The following KCNQ1 variants were observed in gnomAD, a reference collection of about 807,000 sequenced individuals.
KCNQ1 encodes potassium voltage-gated channel subfamily KQT member 1.
Under a neutral mutation model 72.4 loss-of-function variants are expected in KCNQ1, and 49 were observed. The ratio of observed to expected loss-of-function variants is 0.68; its 90% CI spans 0.54 to 0.86. The LOEUF (loss-of-function observed/expected upper bound fraction) is 0.86, where lower values mean the gene tolerates loss of function less well. Among genes scored for constraint, KCNQ1 ranks in the 40% least tolerant of loss-of-function variants. The probability of loss-of-function intolerance (pLI) is 0.00; values close to 1 mark genes in which losing one functional copy is unlikely to be tolerated. For synonymous variants in KCNQ1, 450 were observed against 412.6 expected (o/e 1.09, Z -1.10); for missense variants, 790 against 945.1 (o/e 0.84, Z 2.15).
chr11:2,529,307 C>T (rs541235598), intron 2 of KCNQ1, among the ~76,000 whole-genome samples: 22 of 152,274 alleles, frequency 1.4e-4, no homozygotes, highest in East Asian at 9.6e-4. Context: ...CTTTGTGCCT[C>T]GGCAGGGCTT....
chr11:2,653,302 C>G lies in KCNQ1; in HGVS notation c.1394-8659C>G, dbSNP rs1564846122. The G allele has an allele frequency of 2.5e-6, 1 of 398,702 alleles. No individual in the cohort carries two copies. Among genetic ancestry groups the G allele is most frequent in the East Asian group, 3.6e-5 (1 of 28,080 alleles). The allele number at this position is 398,702 out of a possible 1,614,324, so 24.7% of individuals were successfully genotyped here. On this transcript the variant is annotated intron_variant, in intron 10 of 15. Coordinates refer to ENST00000155840, the MANE Select transcript of KCNQ1 (RefSeq NM_000218.3). This position sits in a 1 kb window ranked among gnomAD's most constrained non-coding sequence, Gnocchi z 5.3. ...GTGGGGGCAGTGCAGACCAGTTTAG[C>G]TATTTTGTAACCTTGACTGCCCCCA... is the stretch of plus-strand genomic sequence containing the variant.
intron 10 of KCNQ1, chr11:2,640,824 C>T (rs1849564387): frequency 5.0e-6 from 2 of 398,856 alleles, no homozygotes; most frequent in South Asian, 1.3e-4. Context: ...CCTCTCTTCA[C>T]CCTCCAGACA....
At chr11:2,640,399 C>G (rs553497284) in intron 10 of KCNQ1, 4 of 398,664 alleles carry the variant, frequency 1.0e-5, no homozygotes, top group Admixed American at 8.8e-5. Flanking sequence ...CATTCTCCAT[C>G]CTTGACCCCT....
chr11:2,554,754 C>T (rs1274639993), intron 2 of KCNQ1, among the ~76,000 whole-genome samples: 5 of 152,256 alleles, frequency 3.3e-5, no homozygotes, highest in East Asian at 1.9e-4. Flanking sequence ...TTTTGACTCT[C>T]CCGTTTACTG....
chr11:2,619,332 A>G, intron 10 of KCNQ1: 1 of 398,520 alleles, frequency 2.5e-6, no homozygotes, highest in East Asian at 3.6e-5. Context: ...GGCATTCGTT[A>G]TATTGAGGAG....
rs1851013418 is a variant in KCNQ1 at position 2,711,853 on chromosome 11, C to A, written c.1514+49772C>A. On this transcript the variant is annotated intron_variant, in intron 11 of 15. Transcript: ENST00000155840. This position sits in a 1 kb window ranked among gnomAD's most constrained non-coding sequence, Gnocchi z 5.4. ...CTGGCACTGCTTCTGAGGAGGGTGC[C>A]TTTGAGGGGAGGCAGAGTTGGCTCA... Among the ~76,000 whole-genome samples, 1 of 152,088 alleles carries A rather than the reference C, an allele frequency of 6.6e-6. No homozygotes were observed. Among genetic ancestry groups the A allele is most frequent in the African/African-American group, 2.4e-5 (1 of 41,418 alleles).
intron 10 of KCNQ1, chr11:2,649,809 A>G: frequency 2.5e-6 from 1 of 398,250 alleles, no homozygotes; most frequent in Non-Finnish European, 4.4e-6. Context: ...GGGATTTGTG[A>G]GCTTCCTTTA....
At chr11:2,619,265 G>A (rs1379478914) in intron 10 of KCNQ1, 7 of 398,392 alleles carry the variant, frequency 1.8e-5, no homozygotes, top group Middle Eastern at 6.2e-4. Context: ...GTTCATAGTA[G>A]AAGGGCTTCT....
chr11:2,609,724 T>G (rs1201719784), intron 10 of KCNQ1: 1 of 398,254 alleles, frequency 2.5e-6, no homozygotes, highest in African/African-American at 2.1e-5. Flanking sequence ...AATATATGTT[T>G]ATAATCATTG....
chr11:2,609,275 AC>A, intron 10 of KCNQ1: 1 of 398,252 alleles, frequency 2.5e-6, no homozygotes, highest in Non-Finnish European at 4.4e-6. Context: ...GAATTCTTTC[AC>A]CCATTGATTA....
intron 11 of KCNQ1, among the ~76,000 whole-genome samples, chr11:2,705,480 G>C (rs879721675): frequency 2.0e-5 from 3 of 152,210 alleles, no homozygotes; most frequent in East Asian, 1.9e-4. Flanking sequence ...CCAGGCACGG[G>C]GGGGTGGGAA....
intron 10 of KCNQ1, among the ~76,000 whole-genome samples, chr11:2,590,586 C>G (rs1848658195): frequency 6.6e-6 from 1 of 152,268 alleles, no homozygotes. Flanking sequence ...CCTTTGACCA[C>G]TTGCTGTTGT....
intron 15 of KCNQ1, among the ~76,000 whole-genome samples, chr11:2,843,837 T>A (rs1382171239): frequency 1.3e-5 from 2 of 152,256 alleles, no homozygotes; most frequent in Non-Finnish European, 2.9e-5. Flanking sequence ...AGGTCTCTTA[T>A]GGTTATTAAT....
rs1590025738 is a variant in KCNQ1 at position 2,677,106 on chromosome 11, T to C, written c.1514+15025T>C. The C allele has an allele frequency of 2.5e-6, 1 of 398,666 alleles. No individual in the cohort carries two copies. The highest frequency in any genetic ancestry group is 3.6e-5 in the East Asian group (1 of 28,078). The allele number at this position is 398,666 out of a possible 1,614,324, so 24.7% of individuals were successfully genotyped here. ...TATTCACTACTGAAATGACCACTTA[T>C]GAAATTAGTTTCCCTGAAACATCCC... is the stretch of plus-strand genomic sequence containing the variant. On this transcript the variant is annotated intron_variant, in intron 11 of 15. Coordinates refer to ENST00000155840, the MANE Select transcript of KCNQ1 (RefSeq NM_000218.3). This position sits in a 1 kb window ranked among gnomAD's most constrained non-coding sequence, Gnocchi z 4.5.
chr11:2,848,669 G>A lies in KCNQ1; in HGVS notation c.*666G>A, dbSNP rs1463019641. Reference sequence around the variant, plus strand: ...GTGGGGGGAACGCCCACTTCCCTGGGTTAGACTGCCAGCTCTTCCTAGCTG... The same window carrying A: ...GTGGGGGGAACGCCCACTTCCCTGGATTAGACTGCCAGCTCTTCCTAGCTG... On this transcript the variant is annotated 3_prime_UTR_variant, in exon 16 of 16. Transcript: ENST00000155840. The A allele has an allele frequency of 6.7e-6, 3 of 450,604 alleles. No individual in the cohort carries two copies. Among genetic ancestry groups the A allele is most frequent in the Admixed American group, 2.4e-5 (1 of 42,494 alleles). 27.9% of individuals were successfully genotyped at this position (450,604 alleles called of 1,614,324 possible).
At chr11:2,449,381 A>G (rs1846091944) in intron 1 of KCNQ1, among the ~76,000 whole-genome samples, 1 of 152,130 alleles carries the variant, frequency 6.6e-6, no homozygotes, top group Non-Finnish European at 1.5e-5. Flanking sequence ...GCGTTGTGTC[A>G]CAGGGCCGGG....
chr11:2,756,981 A>AAAAAAAAAAAAC (rs58902386), intron 11 of KCNQ1, among the ~76,000 whole-genome samples: 6 of 115,220 alleles, frequency 5.2e-5, no homozygotes, highest in African/African-American at 1.6e-4. Context: ...AAAAAAAAAA[A>AAAAAAAAAAAAC]CCCACAGCTA....
intron 15 of KCNQ1, among the ~76,000 whole-genome samples, chr11:2,838,187 G>A (rs1383012985): frequency 6.6e-6 from 1 of 152,262 alleles, no homozygotes; most frequent in African/African-American, 2.4e-5. Context: ...GACAGAGGTG[G>A]GGATGGAAGG....
intron 11 of KCNQ1, among the ~76,000 whole-genome samples, chr11:2,760,003 G>A (rs1242173864): frequency 1.3e-5 from 2 of 152,326 alleles, no homozygotes; most frequent in Middle Eastern, 3.4e-3. Context: ...TGGGAAGGTC[G>A]GCCCGCCATG....
Sources: allele counts gnomAD v4.1 joint callset (sites outside exome capture counted in the v4.1 genomes callset), GRCh38; gene constraint gnomAD v4.1.1; non-coding constraint Gnocchi (gnomAD v3.1); transcripts MANE v1.5; gene names NCBI Gene and HGNC (gene_info 2026-07-23, HGNC 2026-07-21).